The following EHBP1 variants were observed in gnomAD, a reference collection of about 807,000 sequenced individuals.
EHBP1 encodes the protein EH domain binding protein 1.
In EHBP1, 55 loss-of-function variants were observed where a neutral mutation model predicts 144.0. The observed-to-expected ratio is 0.38, with a 90% CI of 0.31 to 0.48. The LOEUF (loss-of-function observed/expected upper bound fraction) is 0.48, where lower values mean the gene tolerates loss of function less well. Ranked by LOEUF, EHBP1 falls within the 20% of genes least tolerant of loss-of-function variation. The pLI is 0.98. For synonymous variants in EHBP1, 469 were observed against 472.7 expected (o/e 0.99, Z 0.10); for missense variants, 1,200 against 1,364.2 (o/e 0.88, Z 1.90).
chr2:62,740,195 AATAG>A, intron 2 of EHBP1, among the ~76,000 whole-genome samples: 1 of 152,204 alleles, frequency 6.6e-6, no homozygotes, highest in East Asian at 1.9e-4. Context: ...ATTTTTAAAC[AATAG>A]AATGACACAA....
intron 10 of EHBP1, among the ~76,000 whole-genome samples, chr2:62,877,101 T>G (rs2050947951): frequency 6.6e-6 from 1 of 152,076 alleles, no homozygotes; most frequent in Non-Finnish European, 1.5e-5. Flanking sequence ...TATGCTGTCT[T>G]CAAGAGACCC....
chr2:62,817,665 A>G (rs569833636), intron 5 of EHBP1, among the ~76,000 whole-genome samples: 1 of 152,202 alleles, frequency 6.6e-6, no homozygotes, highest in Non-Finnish European at 1.5e-5. Flanking sequence ...CAAAGGCAGG[A>G]GCAGCAAGAT....
At chr2:62,903,043 C>T (rs558340832) in intron 10 of EHBP1, among the ~76,000 whole-genome samples, 42 of 152,090 alleles carry the variant, frequency 2.8e-4, no homozygotes, top group Middle Eastern at 6.8e-3. Context: ...TTGTAGTATG[C>T]GGTAATGAAT....
chr2:62,874,467 C>A lies in EHBP1; in HGVS notation c.1120C>A (p.Pro374Thr), dbSNP rs756892360. 6.2e-6 allele frequency: 10 copies of A among 1,612,832 alleles called. 2 individuals are homozygous for A. Among genetic ancestry groups the A allele is most frequent in the Middle Eastern group, 1.7e-4 (1 of 6,060 alleles). Residue 374 changes from proline (P) to threonine (T), a missense_variant, in exon 10 of 23, where the codon CCA becomes ACA. Coordinates refer to ENST00000431489, the MANE Select transcript of EHBP1 (RefSeq NM_001142616.3). ...GGCCCCGGCTCCACCAGTCCTCTCA[C>A]CAAAAACAGGAGTATTAAATGAAAA... ...RKAPAPPVLSPKTGVLNENTV... is the reference protein window; with the variant it reads ...RKAPAPPVLSTKTGVLNENTV...
rs144896774 is a variant in EHBP1, at chr2:62,942,868, A to G, written c.1336A>G (p.Ile446Val). The change falls in exon 11 of 23, where the codon ATA (isoleucine) becomes GTA (valine). Residue 446 changes from isoleucine to valine, a missense_variant. Ile to Val is a conservative substitution (Grantham distance 29, BLOSUM62 3). Around this residue, in one of 6 missense-constraint regions of EHBP1, gnomAD observed 94 missense variants for 143.0 expected, o/e 0.66. Transcript: ENST00000431489. The part of the protein sequence containing the change: ...SWRNGLSFCA[I>V]LHHFRPDLID... ...GAGAAATGGTTTATCTTTTTGTGCA[A>G]TATTACACCACTTTAGACCAGATTT... 42 of 1,612,984 alleles carry G rather than the reference A, an allele frequency of 2.6e-5. No homozygotes were observed. Among genetic ancestry groups the G allele is most frequent in the Non-Finnish European group, 3.5e-5 (41 of 1,179,368 alleles).
At position 62,723,136 on chromosome 2, in the gene EHBP1, C is replaced by T. The variant is rs114649313; in HGVS notation, c.104+15841C>T. ...GTCTTCCACAAGTCTCTTTGAAGGT[C>T]TCGAAGAAATTGCTTTATGAATTGG... On this transcript the variant is annotated intron_variant, in intron 2 of 22. Transcript: ENST00000431489. Among the ~76,000 whole-genome samples, 549 of 152,242 alleles carry T rather than the reference C, an allele frequency of 3.6e-3. 4 individuals are homozygous for T. Among genetic ancestry groups the T allele is most frequent in the African/African-American group, 0.013 (527 of 41,546 alleles).
chr2:62,682,258 A>T (rs76814967), intron 1 of EHBP1, among the ~76,000 whole-genome samples: 13,572 of 152,292 alleles, frequency 0.089, 819 homozygotes, highest in Non-Finnish European at 0.13. Context: ...AGGGTGTGTT[A>T]TAAAAAGTGA....
chr2:62,819,589 C>G (rs1037193834), intron 5 of EHBP1, among the ~76,000 whole-genome samples: 4 of 149,870 alleles, frequency 2.7e-5, no homozygotes, highest in Non-Finnish European at 5.9e-5. Context: ...CATGGTGAAA[C>G]CCCGTCTTTA....
chr2:62,952,593 T>C (rs142404090), intron 13 of EHBP1, among the ~76,000 whole-genome samples: 2,173 of 152,314 alleles, frequency 0.014, 24 homozygotes, highest in Non-Finnish European at 0.022. Context: ...TTATATATCT[T>C]ACACCTATCT....
chr2:62,979,882 C>CTA (rs573165526), intron 15 of EHBP1, among the ~76,000 whole-genome samples: 364 of 151,790 alleles, frequency 2.4e-3, no homozygotes, highest in South Asian at 4.2e-3. Flanking sequence ...GGGACAAGGG[C>CTA]TATATATATA....
chr2:62,865,156 G>A (rs1434504810), intron 9 of EHBP1, among the ~76,000 whole-genome samples, 185 bp downstream of exon 9: 1 of 152,084 alleles, frequency 6.6e-6, no homozygotes. Context: ...TTCCAGGTAT[G>A]TGTGTGTGTA....
chr2:63,037,523 C>T lies in EHBP1; in HGVS notation c.3104-12C>T, dbSNP rs1039738882. On this transcript the variant is annotated splice_polypyrimidine_tract_variant and intron_variant, in intron 19 of 22. Transcript: ENST00000431489. ...CATCGTATAGTAAAAGGTAACTCTTCCCGAATTATAGGAAGGAACACAGAA... is the reference window on the plus strand; with the variant it reads ...CATCGTATAGTAAAAGGTAACTCTTTCCGAATTATAGGAAGGAACACAGAA... 1.3e-6 allele frequency: 2 copies of T among 1,581,528 alleles called. No individual in the cohort carries two copies. Among genetic ancestry groups the T allele is most frequent in the Non-Finnish European group, 1.7e-6 (2 of 1,157,816 alleles).
chr2:62,957,894 C>T (rs1287447324), intron 14 of EHBP1, among the ~76,000 whole-genome samples: 1 of 151,920 alleles, frequency 6.6e-6, no homozygotes, highest in Non-Finnish European at 1.5e-5. Context: ...GATCCGCCCG[C>T]CTCGGCCTCC....
At chr2:62,920,103 A>G (rs1315601401) in intron 10 of EHBP1, among the ~76,000 whole-genome samples, 2 of 152,212 alleles carry the variant, frequency 1.3e-5, no homozygotes, top group Non-Finnish European at 2.9e-5. Context: ...AAATTTCATG[A>G]AAGACATGAA....
rs747490913 is a variant in EHBP1, at chr2:62,979,326, G to A, written c.2599G>A (p.Ala867Thr). The change falls in exon 15 of 23, where the codon GCA becomes ACA. Residue 867 changes from alanine (A) to threonine (T), a missense_variant. Ala to Thr is a moderately conservative substitution (Grantham distance 58). Transcript: ENST00000431489. ...AGAAAAGTTGAAAGAAAGGTCAAAG[G>A]CATCTGGAGGTGAGTTAAAGAATCT... ...AAEKLKERSK[A>T]SGEQNSKLVD... 3 of 1,613,356 alleles carry A rather than the reference G, an allele frequency of 1.9e-6. No homozygotes were observed. The Admixed American group carries it at 5.0e-5, about 27-fold the overall frequency.
At chr2:62,824,548 T>A (rs1462642286) in intron 5 of EHBP1, among the ~76,000 whole-genome samples, 1 of 152,020 alleles carries the variant, frequency 6.6e-6, no homozygotes, top group Non-Finnish European at 1.5e-5. Flanking sequence ...TTTGGTATAG[T>A]CACATCTGTT....
At chr2:62,868,773 G>A (rs1264464849) in intron 9 of EHBP1, among the ~76,000 whole-genome samples, 3 of 151,886 alleles carry the variant, frequency 2.0e-5, no homozygotes, top group African/African-American at 7.3e-5. Flanking sequence ...CATAACAAGA[G>A]TCTATCTCTT....
chr2:62,864,003 C>T (rs556268878), intron 8 of EHBP1, among the ~76,000 whole-genome samples: 1 of 151,750 alleles, frequency 6.6e-6, no homozygotes, highest in Non-Finnish European at 1.5e-5. Context: ...CCCGCCACCC[C>T]ACCCGGCTAG....
chr2:62,878,343 A>G (rs1420627968), intron 10 of EHBP1, among the ~76,000 whole-genome samples: 2 of 152,196 alleles, frequency 1.3e-5, no homozygotes, highest in Non-Finnish European at 2.9e-5. Flanking sequence ...AAACAGAAAA[A>G]GCCTTGGACT....
Sources: allele counts gnomAD v4.1 joint callset (sites outside exome capture counted in the v4.1 genomes callset), GRCh38; gene constraint gnomAD v4.1.1; regional missense constraint gnomAD v4.1.1; transcripts MANE v1.5; gene names NCBI Gene and HGNC (gene_info 2026-07-23, HGNC 2026-07-21).